Variants in TTC3 observed in about 807,000 individuals in gnomAD.
TTC3 encodes the protein E3 ubiquitin-protein ligase TTC3.
Under a neutral mutation model 249.6 loss-of-function variants are expected in TTC3, and 180 were observed. The observed-to-expected ratio is 0.72, with a 90% confidence interval of 0.64 to 0.82. The LOEUF is 0.82. Among genes scored for constraint, TTC3 ranks in the 40% least tolerant of loss-of-function variants. The pLI is 0.00. For missense variants in TTC3, 2,061 were observed against 2,398.4 expected (o/e 0.86, Z 2.94); for synonymous variants, 717 against 805.0 (o/e 0.89, Z 1.85).
chr21:37,095,363 T>C, exon 9 of TTC3: 1 of 1,605,066 alleles, frequency 6.2e-7, no homozygotes, highest in Non-Finnish European at 8.5e-7. Context: ...GGAGAACTAA[T>C]GAAAATGAAA....
chr21:37,159,616 A>G, intron 28 of TTC3, 83 bp from the exon 29 acceptor site: 2 of 1,426,630 alleles, frequency 1.4e-6, no homozygotes, highest in Non-Finnish European at 1.9e-6. Flanking sequence ...CAGTAGTATG[A>G]GGAGTTATTT....
At chr21:37,105,140 G>T (rs1473416744) in intron 10 of TTC3, among the ~76,000 whole-genome samples, 1 of 152,204 alleles carries the variant, frequency 6.6e-6, no homozygotes, top group East Asian at 1.9e-4. Context: ...GTGGAACTTA[G>T]ATTTGGCAAC....
At chr21:37,200,162 G>C in intron 44 of TTC3, 70 bp from the exon 45 acceptor site, 1 of 1,457,960 alleles carries the variant, frequency 6.9e-7, no homozygotes, top group Non-Finnish European at 9.4e-7. Context: ...AAGGCCACTT[G>C]AAGGAAGAAC....
exon 15 of TTC3, chr21:37,126,104 G>A: frequency 6.2e-7 from 1 of 1,609,828 alleles, no homozygotes. Flanking sequence ...GTTGAAGGTA[G>A]ATGATTGTGA....
chr21:37,099,821 GAT>G (rs770777655), intron 10 of TTC3, among the ~76,000 whole-genome samples: 5 of 152,148 alleles, frequency 3.3e-5, no homozygotes, highest in Admixed American at 1.3e-4. Flanking sequence ...TACCCAAGAA[GAT>G]ATGTACATGC....
At chr21:37,114,828 T>C (rs2075986641) in intron 11 of TTC3, among the ~76,000 whole-genome samples, 1 of 152,092 alleles carries the variant, frequency 6.6e-6, no homozygotes, top group Non-Finnish European at 1.5e-5. Flanking sequence ...ATGGCACATA[T>C]ACACCATGGA....
At chr21:37,111,511 T>C (rs1412193347) in intron 11 of TTC3, among the ~76,000 whole-genome samples, 1 of 152,170 alleles carries the variant, frequency 6.6e-6, no homozygotes, top group Non-Finnish European at 1.5e-5. Flanking sequence ...ATCCTAAATA[T>C]ATATGCACCC....
At chr21:37,150,129 A>G in exon 24 of TTC3, 1 of 1,613,412 alleles carries the variant, frequency 6.2e-7, no homozygotes, top group Non-Finnish European at 8.5e-7. Flanking sequence ...TGTCATTTCT[A>G]AGATTATCAT....
At chr21:37,099,731 G>A (rs2074293909) in intron 10 of TTC3, among the ~76,000 whole-genome samples, 1 of 152,132 alleles carries the variant, frequency 6.6e-6, no homozygotes, top group Non-Finnish European at 1.5e-5. Flanking sequence ...CAATCACTTT[G>A]GAGAGCAATT....
chr21:37,191,202 A>T (rs1602135883), intron 39 of TTC3, 132 bp from the exon 40 acceptor site: 1 of 563,552 alleles, frequency 1.8e-6, no homozygotes, highest in East Asian at 3.6e-5. Flanking sequence ...GCAATTCCTT[A>T]AAAATAGTTG....
intron 11 of TTC3, among the ~76,000 whole-genome samples, chr21:37,114,487 A>G (rs1485831599): frequency 2.0e-5 from 3 of 152,294 alleles, no homozygotes; most frequent in African/African-American, 7.2e-5. Context: ...GTGAGATACC[A>G]TCTCACACCA....
chr21:37,098,075 A>G (rs1165508691), intron 10 of TTC3: 1 of 596,832 alleles, frequency 1.7e-6, no homozygotes, highest in Non-Finnish European at 3.0e-6. Context: ...TCTAGACTAG[A>G]GGAATGGATG....
chr21:37,179,848 C>T (rs2082597086), intron 35 of TTC3, among the ~76,000 whole-genome samples: 1 of 152,140 alleles, frequency 6.6e-6, no homozygotes, highest in Admixed American at 6.5e-5. Context: ...GCTTAGTATA[C>T]AAACTAGGAG....
intron 1 of TTC3, chr21:37,081,788 T>C (rs1169286123): frequency 6.6e-6 from 1 of 152,120 alleles, no homozygotes; most frequent in Non-Finnish European, 1.5e-5. Context: ...TCACCAATTT[T>C]CTCTTCAACT....
At chr21:37,076,915 C>G (rs560561193) in intron 1 of TTC3, among the ~76,000 whole-genome samples, 1 of 151,694 alleles carries the variant, frequency 6.6e-6, no homozygotes, top group Non-Finnish European at 1.5e-5. Context: ...TGGCTAGGCA[C>G]GTCTTGAACT....
Position 37,162,723 on chromosome 21 carries a change from C to T in TTC3, c.3170+660C>T, listed in dbSNP as rs546189489. Reference sequence around the variant, plus strand: ...TAATTGTTTTAAGTTAAAATAATAGCCTGTCTTAGTCAGTTTGGGCTGCTA... The same window carrying T: ...TAATTGTTTTAAGTTAAAATAATAGTCTGTCTTAGTCAGTTTGGGCTGCTA... On this transcript the variant is annotated intron_variant, in intron 31 of 45. Coordinates refer to ENST00000355666, the Ensembl canonical transcript of TTC3. Among the ~76,000 whole-genome samples the T allele has an allele frequency of 4.7e-3, 720 of 151,988 alleles. 8 individuals are homozygous for T. Among genetic ancestry groups the T allele is most frequent in the African/African-American group, 0.017 (691 of 41,422 alleles).
chr21:37,108,379 T>C lies in TTC3; in HGVS notation c.846-13T>C, dbSNP rs973130328. The stretch of plus-strand genomic sequence containing the variant: ...AAGAGTGAAAATTTTTAAATACTTG[T>C]TTTTCCTTTTAGAAATGCACTCGGT... On this transcript the variant is annotated splice_polypyrimidine_tract_variant and intron_variant, in intron 10 of 45. Transcript: ENST00000355666. 2 of 1,604,620 alleles carry C rather than the reference T, an allele frequency of 1.2e-6. No homozygotes were observed. Among genetic ancestry groups the C allele is most frequent in the African/African-American group, 2.7e-5 (2 of 74,184 alleles).
At chr21:37,146,809 G>T (rs949704468) in intron 21 of TTC3, among the ~76,000 whole-genome samples, 3 of 152,142 alleles carry the variant, frequency 2.0e-5, no homozygotes, top group African/African-American at 7.2e-5. Context: ...TAAGAACACC[G>T]AACCGTACAC....
intron 40 of TTC3, 22 bp from the exon 41 acceptor site, chr21:37,192,090 A>G: frequency 6.7e-7 from 1 of 1,485,548 alleles, no homozygotes; most frequent in Non-Finnish European, 9.3e-7. Flanking sequence ...TGGTTTTCCC[A>G]CACTTTACTT....
Sources: allele counts gnomAD v4.1 joint callset (sites outside exome capture counted in the v4.1 genomes callset), GRCh38; gene constraint gnomAD v4.1.1; transcripts MANE v1.5; gene names NCBI Gene and HGNC (gene_info 2026-07-23, HGNC 2026-07-21).